PTPRT: variants seen among roughly 807,000 people sequenced by gnomAD.
PTPRT encodes protein tyrosine phosphatase receptor type T.
Under a neutral mutation model 176.8 loss-of-function variants are expected in PTPRT, and 56 were observed. The observed-to-expected ratio is 0.32, with a 90% CI of 0.26 to 0.40. The LOEUF (loss-of-function observed/expected upper bound fraction) is 0.40, where lower values mean the gene tolerates loss of function less well. Among genes scored for constraint, PTPRT ranks in the 10% least tolerant of loss-of-function variants. PTPRT has a pLI of 1.00. For synonymous variants in PTPRT, 783 were observed against 739.0 expected (o/e 1.06, Z -0.96); for missense variants, 1,540 against 1,908.2 (o/e 0.81, Z 3.60).
At chr20:42,125,931 G>A (rs1313545805) in intron 19 of PTPRT, among the ~76,000 whole-genome samples, 1 of 151,576 alleles carries the variant, frequency 6.6e-6, no homozygotes, top group African/African-American at 2.4e-5. Context: ...CCATAGACAA[G>A]GTCGAGGAGA....
chr20:42,238,296 T>C (rs986267189), intron 14 of PTPRT, among the ~76,000 whole-genome samples: 1 of 152,058 alleles, frequency 6.6e-6, no homozygotes, highest in African/African-American at 2.4e-5. Flanking sequence ...GAAAGCCCCA[T>C]ACCTCCTTAG....
intron 12 of PTPRT, among the ~76,000 whole-genome samples, chr20:42,305,818 C>A (rs552393441): frequency 8.5e-5 from 13 of 152,276 alleles, no homozygotes; most frequent in Non-Finnish European, 1.6e-4. Flanking sequence ...AACGGAAAAG[C>A]CAGTTCTAAA....
At chr20:42,290,192 A>G (rs74739315) in intron 12 of PTPRT, among the ~76,000 whole-genome samples, 2,203 of 152,064 alleles carry the variant, frequency 0.014, 58 homozygotes, top group African/African-American at 0.05. Flanking sequence ...AAAAAGCTGT[A>G]TTTTCTATTT....
At position 43,128,966 on chromosome 20, in the gene PTPRT, C is replaced by A. The variant is rs574463165; in HGVS notation, c.88+60680G>T. ...AAAGTTATACACACATATATGTATA[C>A]AGTACATGCATGCGTGTGTATATAT... On this transcript the variant is annotated intron_variant, in intron 1 of 30. Transcript: ENST00000373187. Among the ~76,000 whole-genome samples the A allele has an allele frequency of 9.8e-5, 15 of 152,308 alleles. No homozygotes were observed. The East Asian group carries it at 2.9e-3, about 29-fold the overall frequency.
chr20:43,078,661 A>T (rs532276778), intron 1 of PTPRT, among the ~76,000 whole-genome samples: 9 of 152,352 alleles, frequency 5.9e-5, no homozygotes, highest in African/African-American at 2.2e-4. Flanking sequence ...AACGCTTTCC[A>T]CTTAGAGATG....
Position 42,104,659 on chromosome 20 carries a change from G to C in PTPRT, c.3450C>G (p.Ala1150=), listed in dbSNP as rs373495948. The C allele has an allele frequency of 9.4e-6, 15 of 1,596,908 alleles. No individual in the cohort carries two copies. The highest frequency in any genetic ancestry group is 1.7e-4 in the Middle Eastern group (1 of 6,050). The change falls in exon 25 of 31, where the codon GCC becomes GCG. Residue 1150 remains alanine, a synonymous_variant. Transcript: ENST00000373187. ...GAGAACGGAACTCACACACAGGGAT[G>C]GCAGTGTTGCCACAGAGGCACGCTT... ...ILEACLCGNT[A]IPVCEFRSLY...
At chr20:42,285,787 C>T (rs2057219987) in intron 12 of PTPRT, among the ~76,000 whole-genome samples, 1 of 130,802 alleles carries the variant, frequency 7.6e-6, no homozygotes, top group Non-Finnish European at 1.7e-5. Context: ...ATACGAAAAA[C>T]CAAAAACTTT....
At chr20:42,094,525 T>G (rs1038911632) in intron 27 of PTPRT, among the ~76,000 whole-genome samples, 1 of 152,276 alleles carries the variant, frequency 6.6e-6, no homozygotes, top group Non-Finnish European at 1.5e-5. Flanking sequence ...TGGGCTCAAG[T>G]GATCCTCCTG....
intron 7 of PTPRT, among the ~76,000 whole-genome samples, chr20:42,627,419 G>A (rs958986223): frequency 1.3e-5 from 2 of 152,032 alleles, no homozygotes; most frequent in South Asian, 4.2e-4. Flanking sequence ...ACAGGTATAT[G>A]CTACCACACC....
the PTPRT span, among the ~76,000 whole-genome samples, chr20:42,066,230 CAG>C: frequency 6.6e-6 from 1 of 151,658 alleles, no homozygotes; most frequent in Admixed American, 6.6e-5. Context: ...TTAATAGAGA[CAG>C]GGTTTCACCA....
chr20:42,363,728 A>G (rs936565575), intron 9 of PTPRT, among the ~76,000 whole-genome samples: 2 of 152,034 alleles, frequency 1.3e-5, no homozygotes, highest in African/African-American at 2.4e-5. Flanking sequence ...TTATGAGGCT[A>G]CTACCGTTAC....
At chr20:42,083,864 G>A (rs899528061) in intron 29 of PTPRT, among the ~76,000 whole-genome samples, 2 of 152,228 alleles carry the variant, frequency 1.3e-5, no homozygotes, top group African/African-American at 4.8e-5. Context: ...TATGGCTGCA[G>A]ATTTGTTTTG....
chr20:42,605,349 T>G (rs900558767), intron 7 of PTPRT, among the ~76,000 whole-genome samples: 1 of 152,066 alleles, frequency 6.6e-6, no homozygotes, highest in African/African-American at 2.4e-5. Flanking sequence ...GGGGGCCTGG[T>G]AACACTGACA....
chr20:42,386,614 T>C (rs1568834605), intron 9 of PTPRT, among the ~76,000 whole-genome samples: 3 of 149,466 alleles, frequency 2.0e-5, no homozygotes, highest in Non-Finnish European at 4.5e-5. Context: ...AGAATTATTA[T>C]CTTCTTGGGA....
At chr20:42,983,757 C>T (rs537518324) in intron 1 of PTPRT, among the ~76,000 whole-genome samples, 1 of 152,262 alleles carries the variant, frequency 6.6e-6, no homozygotes, top group African/African-American at 2.4e-5. Context: ...TTCCACCCCA[C>T]TGTCGTGTTT....
At chr20:43,037,279 C>G (rs1986420699) in intron 1 of PTPRT, among the ~76,000 whole-genome samples, 1 of 152,208 alleles carries the variant, frequency 6.6e-6, no homozygotes, top group Non-Finnish European at 1.5e-5. Context: ...AACTACATCT[C>G]CTAGAAATGC....
chr20:42,795,252 C>T (rs2077437329), intron 2 of PTPRT, among the ~76,000 whole-genome samples: 1 of 152,004 alleles, frequency 6.6e-6, no homozygotes, highest in Non-Finnish European at 1.5e-5. Flanking sequence ...AGTTATTATA[C>T]ATAGCACTGA....
chr20:42,769,169 G>A (rs2145452756), intron 5 of PTPRT, among the ~76,000 whole-genome samples: 1 of 152,316 alleles, frequency 6.6e-6, no homozygotes, highest in East Asian at 1.9e-4. Context: ...AGAAAGAACA[G>A]GTATTTCACG....
chr20:42,460,292 T>C (rs1480701427), intron 8 of PTPRT, among the ~76,000 whole-genome samples: 3 of 152,234 alleles, frequency 2.0e-5, no homozygotes, highest in Non-Finnish European at 4.4e-5. Context: ...CTATGGCTCT[T>C]GGGTTGAATC....
Sources: gnomAD v4.1 joint callset for allele counts (sites outside exome capture counted in the v4.1 genomes callset) on GRCh38, gnomAD v4.1.1 for gene constraint, MANE v1.5 for transcripts, NCBI Gene and HGNC (gene_info 2026-07-23, HGNC 2026-07-21) for gene names.